The following ASIC2 variants were observed in gnomAD, a reference collection of about 807,000 sequenced individuals.
The protein encoded by ASIC2 is acid sensing ion channel subunit 2, also known as acid-sensing ion channel 2.
Under a neutral mutation model 57.3 loss-of-function variants are expected in ASIC2, and 25 were observed. The observed-to-expected ratio is 0.44, with a 90% CI of 0.32 to 0.61. The LOEUF (loss-of-function observed/expected upper bound fraction) is 0.61, where lower values mean the gene tolerates loss of function less well. Ranked by LOEUF, ASIC2 falls within the 20% of genes least tolerant of loss-of-function variation. The probability of loss-of-function intolerance (pLI) is 0.06; values close to 1 mark genes in which losing one functional copy is unlikely to be tolerated. For synonymous variants in ASIC2, 319 were observed against 307.5 expected (o/e 1.04, Z -0.39); for missense variants, 641 against 738.1 (o/e 0.87, Z 1.52).
At chr17:33,044,745 A>G (rs60047648) in intron 3 of ASIC2, among the ~76,000 whole-genome samples, 4,361 of 152,312 alleles carry the variant, frequency 0.029, 216 homozygotes, top group African/African-American at 0.099. Flanking sequence ...TATGATTCCT[A>G]CACCCATGGG....
At chr17:33,640,296 C>A (rs1427167565) in intron 1 of ASIC2, among the ~76,000 whole-genome samples, 1 of 152,042 alleles carries the variant, frequency 6.6e-6, no homozygotes, top group African/African-American at 2.4e-5. Context: ...TTTAGAAGAG[C>A]AACAAGGGAT....
chr17:33,188,562 G>T (rs988807362), intron 1 of ASIC2, among the ~76,000 whole-genome samples: 1 of 151,972 alleles, frequency 6.6e-6, no homozygotes. Context: ...CTTAAATGAA[G>T]CCAGAAACAA....
chr17:33,652,116 A>C (rs990668991), intron 1 of ASIC2, among the ~76,000 whole-genome samples: 5 of 152,186 alleles, frequency 3.3e-5, no homozygotes, highest in Non-Finnish European at 7.3e-5. Context: ...TCCCAGCAAG[A>C]ATGGAAAATA....
rs182181272 is a variant in ASIC2 at position 33,586,138 on chromosome 17, C to T, written c.556-474071G>A. 4.9e-4 allele frequency among the ~76,000 whole-genome samples: 75 copies of T among 152,224 alleles called. 1 individual carries two copies. The highest frequency in any genetic ancestry group is 1.6e-3 in the African/African-American group (68 of 41,558). On this transcript the variant is annotated intron_variant, in intron 1 of 9. Transcript: ENST00000359872. ...TGAGCTGGCAAAGAAGAGTGTCCAC[C>T]GCAGCTCTTGGCTCCTGGCGCAAAG...
chr17:33,784,018 G>A (rs986652326), intron 1 of ASIC2, among the ~76,000 whole-genome samples: 7 of 152,182 alleles, frequency 4.6e-5, no homozygotes, highest in Non-Finnish European at 7.3e-5. Context: ...TCTGCCTGTG[G>A]GTGGAATATG....
chr17:33,134,011 T>C (rs1442752670), intron 1 of ASIC2, among the ~76,000 whole-genome samples: 1 of 152,182 alleles, frequency 6.6e-6, no homozygotes, highest in African/African-American at 2.4e-5. Flanking sequence ...CCTCTGTGCT[T>C]GATTGAGGGA....
chr17:34,119,606 TACACAGAC>T (rs1235280804), intron 1 of ASIC2, among the ~76,000 whole-genome samples: 27 of 127,542 alleles, frequency 2.1e-4, no homozygotes, highest in Middle Eastern at 3.7e-3. Context: ...TCCCTTTCTC[TACACAGAC>T]ACACACACAC....
chr17:33,633,969 T>C (rs1370192127), intron 1 of ASIC2, among the ~76,000 whole-genome samples: 1 of 152,222 alleles, frequency 6.6e-6, no homozygotes, highest in African/African-American at 2.4e-5. Flanking sequence ...TGCCTTAATC[T>C]GTGTCCCAGG....
At chr17:33,784,815 C>G (rs1166186643) in intron 1 of ASIC2, among the ~76,000 whole-genome samples, 1 of 152,192 alleles carries the variant, frequency 6.6e-6, no homozygotes, top group Non-Finnish European at 1.5e-5. Context: ...CCCCAGAAAG[C>G]TGGGGTCAGA....
intron 1 of ASIC2, among the ~76,000 whole-genome samples, chr17:33,635,594 T>C (rs1597815943): frequency 6.6e-6 from 1 of 152,316 alleles, no homozygotes; most frequent in East Asian, 1.9e-4. Context: ...TTTAAACCCC[T>C]ATGGGAATGC....
At chr17:33,534,216 C>G (rs1315627836) in intron 1 of ASIC2, 1 of 152,154 alleles carries the variant, frequency 6.6e-6, no homozygotes, top group Non-Finnish European at 1.5e-5. Context: ...CAGCATCATT[C>G]TTCAAATTCA....
intron 1 of ASIC2, among the ~76,000 whole-genome samples, chr17:33,892,423 A>C (rs1914988906): frequency 6.6e-6 from 1 of 152,196 alleles, no homozygotes; most frequent in Admixed American, 6.5e-5. Context: ...CAGAGACAGC[A>C]TGCTGTGTTG....
intron 7 of ASIC2, among the ~76,000 whole-genome samples, chr17:33,018,164 G>A (rs1488630166): frequency 6.6e-6 from 1 of 152,194 alleles, no homozygotes; most frequent in Non-Finnish European, 1.5e-5. Context: ...GGCCATAGGT[G>A]TCTCCTCTCT....
chr17:33,819,831 A>G (rs1374763175), intron 1 of ASIC2, among the ~76,000 whole-genome samples: 3 of 152,240 alleles, frequency 2.0e-5, no homozygotes, highest in African/African-American at 7.2e-5. Flanking sequence ...AACTCAATGT[A>G]TGGACATTGC....
At chr17:33,692,740 C>T (rs555940524) in intron 1 of ASIC2, among the ~76,000 whole-genome samples, 4 of 152,190 alleles carry the variant, frequency 2.6e-5, no homozygotes, top group Middle Eastern at 3.4e-3. Context: ...CAGTGCAGTA[C>T]GTTTATTTAC....
rs188863470 is a variant in ASIC2, at chr17:33,620,113, C to T, written c.556-508046G>A. Among the ~76,000 whole-genome samples the T allele has an allele frequency of 5.8e-4, 88 of 151,938 alleles. 1 individual carries two copies. Among genetic ancestry groups the T allele is most frequent in the East Asian group, 1.9e-4 (1 of 5,170 alleles). The stretch of plus-strand genomic sequence containing the variant: ...AATCCCCTAAAAGGAAAGTACCTGT[C>T]GAATTTTGAACCTGTTTGTTAAAAA... On this transcript the variant is annotated intron_variant, in intron 1 of 9. Transcript: ENST00000359872.
At chr17:33,929,905 C>G (rs1200283073) in intron 1 of ASIC2, among the ~76,000 whole-genome samples, 4 of 152,350 alleles carry the variant, frequency 2.6e-5, no homozygotes, top group African/African-American at 9.6e-5. Context: ...TGAACACAGT[C>G]ACAGAGAGCC....
chr17:33,892,799 G>T (rs1914997914), intron 1 of ASIC2, among the ~76,000 whole-genome samples: 1 of 152,138 alleles, frequency 6.6e-6, no homozygotes, highest in Non-Finnish European at 1.5e-5. Flanking sequence ...TTGGGCTAAG[G>T]TACAGTTTTT....
chr17:33,853,216 T>G (rs1190347451), intron 1 of ASIC2, among the ~76,000 whole-genome samples: 1 of 152,164 alleles, frequency 6.6e-6, no homozygotes, highest in Non-Finnish European at 1.5e-5. Context: ...TGGAGTGTAT[T>G]TACATCCTAA....
Sources: gnomAD v4.1 joint callset for allele counts (sites outside exome capture counted in the v4.1 genomes callset) on GRCh38, gnomAD v4.1.1 for gene constraint, MANE v1.5 for transcripts, NCBI Gene and HGNC (gene_info 2026-07-23, HGNC 2026-07-21) for gene names.